Variants in SLC2A9 observed in about 807,000 individuals in gnomAD.
SLC2A9 encodes the protein solute carrier family 2 member 9, also known as solute carrier family 2, facilitated glucose transporter member 9.
In SLC2A9, 39 loss-of-function variants were observed where a neutral mutation model predicts 50.6. That is an observed-to-expected ratio of 0.77 (90% CI 0.60 to 1.01). The LOEUF is 1.01. Among genes scored for constraint, SLC2A9 ranks in the 50% least tolerant of loss-of-function variants. SLC2A9 has a pLI of 0.00. For synonymous variants in SLC2A9, 324 were observed against 276.9 expected (o/e 1.17, Z -1.69); for missense variants, 686 against 677.6 (o/e 1.01, Z -0.14).
chr4:9,994,551 T>C (rs961594171), intron 3 of SLC2A9, among the ~76,000 whole-genome samples: 2 of 145,548 alleles, frequency 1.4e-5, no homozygotes, highest in Admixed American at 7.2e-5. Context: ...TTTTCTCTTT[T>C]GCTTTCCTTT....
Position 9,902,976 on chromosome 4 carries a change from C to G in SLC2A9, c.1113+5259G>C, listed in dbSNP as rs75805865. 4.2e-3 allele frequency among the ~76,000 whole-genome samples: 634 copies of G among 152,308 alleles called. 4 individuals carry two copies. Among genetic ancestry groups the G allele is most frequent in the African/African-American group, 0.015 (615 of 41,554 alleles). ...AGTATGATTCCCATGACAATACCTG[C>G]TGAGGCTTAGATCTGTTATTATTGC... On this transcript the variant is annotated intron_variant, in intron 8 of 11. Coordinates refer to ENST00000264784, the MANE Select transcript of SLC2A9 (RefSeq NM_020041.3).
chr4:9,875,832 G>T (rs1351460979), intron 10 of SLC2A9, among the ~76,000 whole-genome samples: 1 of 152,122 alleles, frequency 6.6e-6, no homozygotes, highest in Non-Finnish European at 1.5e-5. Context: ...GTGCTCCCAG[G>T]GCTGAAGGAC....
rs369134860 is a variant in SLC2A9, at chr4:9,996,896, G to T, written c.295C>A (p.Arg99Ser). 24 of 1,614,162 alleles carry T rather than the reference G, an allele frequency of 1.5e-5. No individual in the cohort carries two copies. The highest frequency in any genetic ancestry group is 1.9e-5 in the Non-Finnish European group (23 of 1,180,006). ...YNESWERRHGRPIDPDTLTLL... is the reference protein window; with the variant it reads ...YNESWERRHGSPIDPDTLTLL... ...GTCAGAGTGTCTGGGTCTATTGGAC[G>T]TCCATGCCTTCTTTCCCATGACTCA... Residue 99 changes from arginine to serine, a missense_variant, in exon 3 of 12, where the codon CGT becomes AGT. Transcript: ENST00000264784.
chr4:9,886,369 C>T (rs1736213353), intron 10 of SLC2A9, among the ~76,000 whole-genome samples: 1 of 151,746 alleles, frequency 6.6e-6, no homozygotes, highest in Admixed American at 6.6e-5. Flanking sequence ...CGCTGCCCTG[C>T]CTGGGAGGTG....
At chr4:9,794,479 AAGG>A (rs1484705710), downstream of SLC2A9, among the ~76,000 whole-genome samples, 1 of 152,174 alleles carries the variant, frequency 6.6e-6, no homozygotes, top group African/African-American at 2.4e-5. Context: ...GCAGCCCTGT[AAGG>A]AGGTCTGTTC....
At chr4:10,021,186 T>G (rs1243637249) in intron 1 of SLC2A9, 94 bp downstream of exon 1, 1 of 1,335,790 alleles carries the variant, frequency 7.5e-7, no homozygotes, top group East Asian at 2.3e-5. Context: ...AGCTACACGC[T>G]GCCAGGCTGG....
chr4:10,029,378 C>T (rs1192108204), intron 1 of SLC2A9: 1 of 152,140 alleles, frequency 6.6e-6, no homozygotes, highest in Admixed American at 6.5e-5. Flanking sequence ...CAGACTCTAG[C>T]CTTGGCTTGC....
At chr4:9,808,487 C>T (rs1053705684) in intron 3 of SLC2A9, among the ~76,000 whole-genome samples, 2 of 152,096 alleles carry the variant, frequency 1.3e-5, no homozygotes, top group African/African-American at 4.8e-5. Context: ...TTCCTCAGTC[C>T]CTGGAATTAT....
chr4:9,873,415 G>T (rs1002749371), intron 10 of SLC2A9, among the ~76,000 whole-genome samples: 8 of 152,226 alleles, frequency 5.3e-5, no homozygotes, highest in Non-Finnish European at 1.2e-4. Flanking sequence ...CCCCTCCAAT[G>T]GGAGGGAAAG....
chr4:9,870,682 G>A (rs187375308), intron 10 of SLC2A9, among the ~76,000 whole-genome samples: 3 of 152,298 alleles, frequency 2.0e-5, no homozygotes, highest in Admixed American at 6.5e-5. Context: ...TACTAAAACC[G>A]AACATGTGAA....
chr4:10,024,826 A>AG (rs1763700187), upstream of SLC2A9, among the ~76,000 whole-genome samples: 2 of 152,196 alleles, frequency 1.3e-5, no homozygotes, highest in South Asian at 4.1e-4. Flanking sequence ...TTGGAAAAGA[A>AG]GGGGGGTTTT....
intron 5 of SLC2A9, among the ~76,000 whole-genome samples, chr4:9,947,975 T>C (rs886754200): frequency 5.3e-5 from 8 of 152,126 alleles, no homozygotes; most frequent in African/African-American, 1.9e-4. Flanking sequence ...AAATTCTTCT[T>C]TCAGATAAGG....
intron 7 of SLC2A9, among the ~76,000 whole-genome samples, chr4:9,913,960 A>G (rs1464013492): frequency 6.6e-6 from 1 of 152,118 alleles, no homozygotes; most frequent in Non-Finnish European, 1.5e-5. Flanking sequence ...TCTATTGTAA[A>G]TCCCCAAACC....
At chr4:9,957,337 C>T (rs1370877673) in intron 5 of SLC2A9, among the ~76,000 whole-genome samples, 2 of 152,200 alleles carry the variant, frequency 1.3e-5, no homozygotes, top group South Asian at 2.1e-4. Flanking sequence ...CACACACTGA[C>T]TTGTGGGGCC....
chr4:9,931,947 T>A (rs868234098), intron 6 of SLC2A9, among the ~76,000 whole-genome samples: 4 of 69,032 alleles, frequency 5.8e-5, no homozygotes, highest in Admixed American at 5.3e-4. Context: ...TCTCTCTCTC[T>A]CTCTCTCTCT....
chr4:9,785,765 G>C lies in SLC2A9; in HGVS notation n.386-5700C>G, dbSNP rs149294346. Among the ~76,000 whole-genome samples, 189 of 152,354 alleles carry C rather than the reference G, an allele frequency of 1.2e-3. 1 individual carries two copies. Among genetic ancestry groups the C allele is most frequent in the African/African-American group, 4.4e-3 (181 of 41,582 alleles). ...CTGCTGTCTTGGAACATTTATGTGA[G>C]TCAGGGGAGAGATAAGCCAATAAAG... On this transcript the variant is annotated intron_variant and non_coding_transcript_variant, in intron 3 of 3. Coordinates refer to the SLC2A9 transcript ENST00000503803.
intron 5 of SLC2A9, among the ~76,000 whole-genome samples, chr4:9,944,029 T>A (rs998602439): frequency 6.6e-6 from 1 of 152,232 alleles, no homozygotes; most frequent in African/African-American, 2.4e-5. Context: ...CACAGTATCG[T>A]CACAGTGGGA....
intron 10 of SLC2A9, among the ~76,000 whole-genome samples, chr4:9,859,042 T>C (rs1334111881): frequency 6.6e-6 from 1 of 152,158 alleles, no homozygotes; most frequent in African/African-American, 2.4e-5. Flanking sequence ...GACTCTCGGG[T>C]CTTTGGCCAC....
chr4:9,851,435 T>C (rs6847858), intron 10 of SLC2A9, among the ~76,000 whole-genome samples: 71,743 of 152,032 alleles, frequency 0.47, 19,295 homozygotes, highest in African/African-American at 0.74. Context: ...TAAAGGTCAG[T>C]AGCCTCAAAG....
Sources: allele counts gnomAD v4.1 joint callset (sites outside exome capture counted in the v4.1 genomes callset), GRCh38; gene constraint gnomAD v4.1.1; transcripts MANE v1.5; gene names NCBI Gene and HGNC (gene_info 2026-07-23, HGNC 2026-07-21).